EXOC4: variants seen among roughly 807,000 people sequenced by gnomAD.
The protein encoded by EXOC4 is SEC8-like 1.
EXOC4 carries 71 observed loss-of-function variants against 107.2 expected under a neutral mutation model. That is an observed-to-expected ratio of 0.66 (90% confidence interval 0.55 to 0.81). The LOEUF (loss-of-function observed/expected upper bound fraction) is 0.81. Ranked by LOEUF, EXOC4 falls within the 30% of genes least tolerant of loss-of-function variation. EXOC4 has a pLI of 0.00. For missense variants in EXOC4, 1,108 were observed against 1,189.6 expected, an observed-to-expected ratio of 0.93 and a Z score of 1.01; for synonymous variants, 456 against 441.2, an observed-to-expected ratio of 1.03 and a Z score of -0.42.
chr7:133,623,801 C>T (rs1158499785), intron 9 of EXOC4, among the ~76,000 whole-genome samples: 4 of 152,192 alleles, frequency 2.6e-5, no homozygotes, highest in Non-Finnish European at 4.4e-5. Flanking sequence ...CCCAAGGTCA[C>T]ATACTTGTAA....
intron 10 of EXOC4, among the ~76,000 whole-genome samples, chr7:133,669,344 C>T (rs1359823839): frequency 6.6e-6 from 1 of 152,144 alleles, no homozygotes; most frequent in African/African-American, 2.4e-5. Context: ...GAGATCCACA[C>T]ATCACATGGT....
At chr7:133,264,033 G>A (rs113211769) in intron 1 of EXOC4, among the ~76,000 whole-genome samples, 32 of 152,226 alleles carry the variant, frequency 2.1e-4, no homozygotes, top group African/African-American at 3.6e-4. Flanking sequence ...GATCACTGTG[G>A]ACAATGCTTG....
At chr7:133,693,816 C>T (rs543172602) in intron 10 of EXOC4, among the ~76,000 whole-genome samples, 27 of 152,266 alleles carry the variant, frequency 1.8e-4, no homozygotes, top group Middle Eastern at 3.4e-3. Context: ...TAGGAAGACA[C>T]AACTAAGGTC....
intron 12 of EXOC4, among the ~76,000 whole-genome samples, chr7:133,899,395 A>G (rs540266642): frequency 6.6e-6 from 1 of 152,362 alleles, no homozygotes; most frequent in East Asian, 1.9e-4. Context: ...CAAGATGTCA[A>G]GTGGCTGGAA....
chr7:133,698,885 TA>T (rs2151084988), intron 10 of EXOC4, among the ~76,000 whole-genome samples: 1 of 151,204 alleles, frequency 6.6e-6, no homozygotes, highest in East Asian at 1.9e-4. Context: ...ACTGTAACAA[TA>T]AATTATGAAA....
chr7:133,923,613 C>T (rs1799987214), intron 13 of EXOC4, among the ~76,000 whole-genome samples: 1 of 152,154 alleles, frequency 6.6e-6, no homozygotes, highest in South Asian at 2.1e-4. Flanking sequence ...GCTTGTCTGT[C>T]TGTAGCGATT....
chr7:133,409,105 A>C (rs956734917), intron 7 of EXOC4, among the ~76,000 whole-genome samples: 28 of 152,184 alleles, frequency 1.8e-4, no homozygotes, highest in African/African-American at 6.8e-4. Flanking sequence ...TCTTACTTAT[A>C]GGCTGTACCT....
At chr7:133,494,927 A>G (rs1180867841) in intron 9 of EXOC4, among the ~76,000 whole-genome samples, 1 of 152,120 alleles carries the variant, frequency 6.6e-6, no homozygotes, top group African/African-American at 2.4e-5. Context: ...TTACACTTTG[A>G]AATTTGTAGT....
Position 133,595,407 on chromosome 7 carries a change from T to C in EXOC4, c.1418-34638T>C, listed in dbSNP as rs1292527390. 2.6e-5 allele frequency among the ~76,000 whole-genome samples: 4 copies of C among 152,242 alleles called. No individual in the cohort carries two copies. The East Asian group carries it at 7.7e-4, about 29-fold the overall frequency. ...CTATAAATAATTTGCTTTTATTGCA[T>C]ATGCTATTCTTAAGACTTTTCCCAC... On this transcript the variant is annotated intron_variant, in intron 9 of 17. Transcript: ENST00000253861.
chr7:134,002,216 A>G (rs1288875478), intron 15 of EXOC4, among the ~76,000 whole-genome samples: 2 of 152,196 alleles, frequency 1.3e-5, no homozygotes, highest in African/African-American at 2.4e-5. Context: ...TTAATTAGCA[A>G]CTGTTAAGAT....
At chr7:133,556,586 G>A (rs1800695050) in intron 9 of EXOC4, among the ~76,000 whole-genome samples, 1 of 152,140 alleles carries the variant, frequency 6.6e-6, no homozygotes, top group African/African-American at 2.4e-5. Context: ...GGGTACCGCG[G>A]TAAGGATGGG....
intron 15 of EXOC4, among the ~76,000 whole-genome samples, chr7:133,999,416 G>A (rs1361588455): frequency 6.6e-6 from 1 of 152,116 alleles, no homozygotes; most frequent in East Asian, 1.9e-4. Context: ...AGTGGAACAA[G>A]AGAAGTAACA....
chr7:133,918,944 C>G (rs1184927242), intron 13 of EXOC4, among the ~76,000 whole-genome samples: 1 of 152,312 alleles, frequency 6.6e-6, no homozygotes, highest in East Asian at 1.9e-4. Flanking sequence ...TCTTATCTCT[C>G]TCAAATTGTG....
Position 133,606,041 on chromosome 7 carries a change from CAATAAGAA to C in EXOC4, c.1418-23994_1418-23987del, listed in dbSNP as rs375960662. Among the ~76,000 whole-genome samples, 353 of 152,088 alleles carry C rather than the reference CAATAAGAA, an allele frequency of 2.3e-3. 1 individual carries two copies. Among genetic ancestry groups the C allele is most frequent in the African/African-American group, 8.0e-3 (332 of 41,462 alleles). ...TTGTGTGAAGTGATGCTGCTAGATC[CAATAAGAA>C]AATAAGAAAGATAAGGACAGGGAAT... is the stretch of plus-strand genomic sequence containing the variant. On this transcript the variant is annotated intron_variant, in intron 9 of 17. Coordinates refer to ENST00000253861, the MANE Select transcript of EXOC4 (RefSeq NM_021807.4).
chr7:133,526,937 A>C (rs546396904), intron 9 of EXOC4, among the ~76,000 whole-genome samples: 2 of 152,166 alleles, frequency 1.3e-5, no homozygotes, highest in African/African-American at 4.8e-5. Flanking sequence ...GCGCTACTGC[A>C]CTCCAGCCTG....
At chr7:133,787,993 ATATATATATATATATATATG>A in intron 10 of EXOC4, among the ~76,000 whole-genome samples, 1 of 95,398 alleles carries the variant, frequency 1.0e-5, no homozygotes, top group African/African-American at 4.2e-5. Flanking sequence ...ATATATATAT[ATATATATATATATATATATG>A]GAATTTTCTA....
At chr7:133,828,762 A>G (rs113663409) in intron 11 of EXOC4, among the ~76,000 whole-genome samples, 160 of 152,314 alleles carry the variant, frequency 1.1e-3, no homozygotes, top group African/African-American at 3.7e-3. Context: ...AAATTTTAAT[A>G]AAATGAAATG....
intron 10 of EXOC4, among the ~76,000 whole-genome samples, chr7:133,807,701 G>T (rs374799249): frequency 2.0e-5 from 3 of 152,150 alleles, no homozygotes; most frequent in African/African-American, 7.2e-5. Context: ...TTTGTTCTCT[G>T]AGTTTTATGT....
At chr7:133,350,634 T>C (rs1795887947) in intron 5 of EXOC4, among the ~76,000 whole-genome samples, 1 of 152,026 alleles carries the variant, frequency 6.6e-6, no homozygotes, top group African/African-American at 2.4e-5. Context: ...TCTTCTAGAT[T>C]TGTTCTTCTT....
Sources: gnomAD v4.1 joint callset for allele counts (sites outside exome capture counted in the v4.1 genomes callset) on GRCh38, gnomAD v4.1.1 for gene constraint, MANE v1.5 for transcripts, NCBI Gene and HGNC (gene_info 2026-07-23, HGNC 2026-07-21) for gene names.